CDH2: variants seen among roughly 807,000 people sequenced by gnomAD.
CDH2 encodes cadherin-2.
CDH2 carries 17 observed loss-of-function variants against 92.0 expected under a neutral mutation model. That is an observed-to-expected ratio of 0.18 (90% CI 0.13 to 0.28). The LOEUF is 0.28. CDH2 is among the 10% of genes least tolerant of loss of function. The pLI, the probability that CDH2 is intolerant of heterozygous loss-of-function variation, is 1.00. For synonymous variants in CDH2, 419 were observed against 415.9 expected, an observed-to-expected ratio of 1.01 and a Z score of -0.09; for missense variants, 862 against 1,133.1, an observed-to-expected ratio of 0.76 and a Z score of 3.44.
At chr18:28,018,953 ATAC>A (rs1281628947) in intron 2 of CDH2, among the ~76,000 whole-genome samples, 3 of 151,514 alleles carry the variant, frequency 2.0e-5, no homozygotes, top group Non-Finnish European at 4.4e-5. Context: ...ACACCACGGG[ATAC>A]TACTCAGCCA....
intron 1 of CDH2, among the ~76,000 whole-genome samples, chr18:28,174,564 C>T (rs1007411186): frequency 1.1e-4 from 16 of 152,206 alleles, no homozygotes; most frequent in African/African-American, 3.6e-4. Context: ...TTAAAAAAGT[C>T]AACATTGGTA....
chr18:28,177,127 C>CTGCCT lies in CDH2; in HGVS notation c.-106_-105insAGGCA. ...CAGCACCAACAGCGGCGCGGAGAAA[C>CTGCCT]GGCTCCAGGCAGTTTCCACCCCCTT... On this transcript the variant is annotated 5_prime_UTR_variant, in exon 1 of 16. Coordinates refer to ENST00000269141, the MANE Select transcript of CDH2 (RefSeq NM_001792.5). 1.3e-6 allele frequency: 1 copy of CTGCCT among 767,962 alleles called. No homozygotes were observed. Among genetic ancestry groups the CTGCCT allele is most frequent in the Non-Finnish European group, 2.0e-6 (1 of 499,790 alleles). 47.6% of individuals were successfully genotyped at this position (767,962 alleles called of 1,614,324 possible).
At chr18:28,060,024 G>T (rs953078772) in intron 2 of CDH2, among the ~76,000 whole-genome samples, 1 of 151,924 alleles carries the variant, frequency 6.6e-6, no homozygotes, top group South Asian at 2.1e-4. Flanking sequence ...ACATCTAGAA[G>T]TTTGATCAGA....
At chr18:27,933,667 C>T (rs1370429032) in intron 6 of CDH2, among the ~76,000 whole-genome samples, 1 of 152,188 alleles carries the variant, frequency 6.6e-6, no homozygotes, top group African/African-American at 2.4e-5. Context: ...AGAGATTAAA[C>T]ATCTTGTAAT....
chr18:28,013,159 A>G (rs1454511614), intron 3 of CDH2, among the ~76,000 whole-genome samples: 2 of 152,172 alleles, frequency 1.3e-5, no homozygotes, highest in African/African-American at 2.4e-5. Context: ...TACCTCATTT[A>G]TTTTATCTTG....
chr18:27,968,999 A>G (rs985221531), intron 14 of CDH2, among the ~76,000 whole-genome samples: 8 of 152,234 alleles, frequency 5.3e-5, no homozygotes, highest in Admixed American at 4.6e-4. Flanking sequence ...CATATTACCA[A>G]ACAACTGCTG....
intron 15 of CDH2, among the ~76,000 whole-genome samples, chr18:27,961,310 G>A (rs775851596): frequency 1.3e-5 from 2 of 151,206 alleles, no homozygotes; most frequent in African/African-American, 2.4e-5. Flanking sequence ...AAGAAATAGC[G>A]CTTGTCCTGG....
At chr18:28,077,707 A>G (rs1320717489) in intron 2 of CDH2, among the ~76,000 whole-genome samples, 1 of 151,996 alleles carries the variant, frequency 6.6e-6, no homozygotes, top group Non-Finnish European at 1.5e-5. Flanking sequence ...CCTGGCCAAC[A>G]TGGTGAAACC....
At chr18:28,126,733 C>T (rs1290302101) in intron 2 of CDH2, among the ~76,000 whole-genome samples, 1 of 152,104 alleles carries the variant, frequency 6.6e-6, no homozygotes, top group Non-Finnish European at 1.5e-5. Context: ...ATTGAGGGTG[C>T]TGTGCTTGAC....
intron 2 of CDH2, among the ~76,000 whole-genome samples, chr18:28,077,375 A>AT (rs766901343): frequency 2.0e-5 from 3 of 152,176 alleles, no homozygotes; most frequent in Non-Finnish European, 4.4e-5. Flanking sequence ...ATGTTACCGG[A>AT]TCAGAAATTA....
chr18:28,072,383 T>G (rs2014635527), intron 2 of CDH2, among the ~76,000 whole-genome samples: 1 of 152,144 alleles, frequency 6.6e-6, no homozygotes, highest in African/African-American at 2.4e-5. Flanking sequence ...TGTGGCTCTG[T>G]CTTTCCTCTT....
chr18:28,075,142 A>T (rs956384816), intron 2 of CDH2, among the ~76,000 whole-genome samples: 1 of 152,234 alleles, frequency 6.6e-6, no homozygotes, highest in Non-Finnish European at 1.5e-5. Flanking sequence ...CTACAGATAC[A>T]ACATGAAGTA....
At chr18:28,035,101 A>G (rs932162753) in intron 2 of CDH2, among the ~76,000 whole-genome samples, 25 of 152,196 alleles carry the variant, frequency 1.6e-4, no homozygotes, top group African/African-American at 5.1e-4. Flanking sequence ...GAAGACCTAC[A>G]AAGTTCCTTA....
At chr18:28,111,605 C>T (rs2015414644) in intron 2 of CDH2, among the ~76,000 whole-genome samples, 1 of 152,150 alleles carries the variant, frequency 6.6e-6, no homozygotes, top group South Asian at 2.1e-4. Flanking sequence ...TCCCAGATGT[C>T]TTGATCAACC....
chr18:28,133,410 C>T (rs1199916731), intron 2 of CDH2, among the ~76,000 whole-genome samples: 2 of 151,546 alleles, frequency 1.3e-5, no homozygotes, highest in African/African-American at 2.4e-5. Context: ...AGTGAAACTC[C>T]GTCTCTACTA....
chr18:27,988,310 A>G (rs1309752939), intron 11 of CDH2, among the ~76,000 whole-genome samples: 2 of 152,234 alleles, frequency 1.3e-5, no homozygotes, highest in Admixed American at 1.3e-4. Context: ...GTATGTCTAC[A>G]TGAACGATGG....
intron 15 of CDH2, 99 bp from the exon 16 acceptor site, chr18:27,952,458 CT>C (rs1221609945): frequency 1.7e-5 from 15 of 887,080 alleles, no homozygotes; most frequent in Non-Finnish European, 2.7e-5. Flanking sequence ...CAAACAAACA[CT>C]TGTTTGTAAA....
At chr18:28,083,679 G>C (rs2014873015) in intron 2 of CDH2, among the ~76,000 whole-genome samples, 1 of 152,092 alleles carries the variant, frequency 6.6e-6, no homozygotes, top group Admixed American at 6.6e-5. Flanking sequence ...AGTTTGATGT[G>C]AATATGCTCT....
intron 2 of CDH2, among the ~76,000 whole-genome samples, chr18:28,079,366 T>C (rs2014784000): frequency 6.6e-6 from 1 of 152,216 alleles, no homozygotes; most frequent in Non-Finnish European, 1.5e-5. Context: ...AGTGTAAAGT[T>C]TACATGACTT....
Sources: allele counts gnomAD v4.1 joint callset (sites outside exome capture counted in the v4.1 genomes callset), GRCh38; gene constraint gnomAD v4.1.1; transcripts MANE v1.5; gene names NCBI Gene and HGNC (gene_info 2026-07-23, HGNC 2026-07-21).